TANC1: variants seen among roughly 807,000 people sequenced by gnomAD.
TANC1 encodes the protein protein TANC1.
A neutral mutation model predicts 149.7 loss-of-function variants in TANC1; 77 were observed. The ratio of observed to expected loss-of-function variants is 0.51; its 90% CI spans 0.43 to 0.62. TANC1 has a LOEUF of 0.62. Among genes scored for constraint, TANC1 ranks in the 20% least tolerant of loss-of-function variants. The pLI is 0.00. For synonymous variants in TANC1, 854 were observed against 925.0 expected (o/e 0.92, Z 1.39); for missense variants, 1,985 against 2,321.8 (o/e 0.85, Z 2.98).
chr2:159,214,075 A>G lies in TANC1; in HGVS notation c.3245-3422A>G, dbSNP rs984815599. ...GGGAGGTGGAGGTTACAGTGAGCCA[A>G]GATTGCACCACTGCACTCCAGCCTG... is the stretch of plus-strand genomic sequence containing the variant. On this transcript the variant is annotated intron_variant, in intron 19 of 26. Transcript: ENST00000263635. Among the ~76,000 whole-genome samples, 3 of 146,516 alleles carry G rather than the reference A, an allele frequency of 2.0e-5. No individual in the cohort carries two copies. In the Admixed American group the frequency reaches 2.1e-4, roughly 10 times the overall value.
chr2:159,006,945 C>T (rs1337550010), intron 2 of TANC1, among the ~76,000 whole-genome samples: 2 of 152,136 alleles, frequency 1.3e-5, no homozygotes, highest in African/African-American at 4.8e-5. Flanking sequence ...TAATGCTGTG[C>T]ACTCTGGAAT....
At chr2:159,082,459 T>C (rs1189168227) in intron 3 of TANC1, among the ~76,000 whole-genome samples, 1 of 152,228 alleles carries the variant, frequency 6.6e-6, no homozygotes, top group Non-Finnish European at 1.5e-5. Context: ...ATTTAGGTAA[T>C]TTCTATACCA....
chr2:159,122,087 G>A (rs922309884), intron 4 of TANC1, among the ~76,000 whole-genome samples: 5 of 152,132 alleles, frequency 3.3e-5, no homozygotes, highest in East Asian at 3.8e-4. Context: ...ACAGGCACAC[G>A]CCACCACACC....
chr2:159,153,916 C>T (rs1298059177), intron 7 of TANC1, among the ~76,000 whole-genome samples: 1 of 152,104 alleles, frequency 6.6e-6, no homozygotes, highest in African/African-American at 2.4e-5. Context: ...CCTAGTTGGG[C>T]GGAGATGAAG....
chr2:159,004,022 G>T (rs2036891324), intron 2 of TANC1: 1 of 1,612,248 alleles, frequency 6.2e-7, no homozygotes, highest in Admixed American at 1.7e-5. Flanking sequence ...AGGTGAACAT[G>T]ATTAAAGATG....
chr2:159,128,278 C>T (rs771317781), intron 4 of TANC1, among the ~76,000 whole-genome samples: 1 of 152,206 alleles, frequency 6.6e-6, no homozygotes, highest in Non-Finnish European at 1.5e-5. Flanking sequence ...TCTGGAAGTA[C>T]CCAGAGGGTG....
At chr2:159,095,014 C>T (rs912632854) in intron 3 of TANC1, among the ~76,000 whole-genome samples, 2 of 150,666 alleles carry the variant, frequency 1.3e-5, no homozygotes, top group African/African-American at 4.9e-5. Flanking sequence ...GGTGTGATCT[C>T]GGCTCACTGC....
chr2:159,005,248 T>G (rs1343786722), intron 2 of TANC1, among the ~76,000 whole-genome samples: 5 of 152,146 alleles, frequency 3.3e-5, no homozygotes, highest in Non-Finnish European at 7.4e-5. Context: ...ATGGTCAGAT[T>G]TGGGGGCCTG....
intron 19 of TANC1, among the ~76,000 whole-genome samples, chr2:159,200,345 C>T (rs2058156552): frequency 6.6e-6 from 1 of 152,158 alleles, no homozygotes; most frequent in Non-Finnish European, 1.5e-5. Flanking sequence ...ACAAGCATCC[C>T]AAGTCATTTC....
chr2:159,037,623 G>C (rs1559158006), intron 2 of TANC1, among the ~76,000 whole-genome samples: 1 of 152,130 alleles, frequency 6.6e-6, no homozygotes, highest in African/African-American at 2.4e-5. Flanking sequence ...TCCTTTCCGT[G>C]TTCCTTGTTT....
intron 2 of TANC1, among the ~76,000 whole-genome samples, chr2:159,039,233 TTC>T (rs2040436443): frequency 6.6e-6 from 1 of 152,220 alleles, no homozygotes; most frequent in Admixed American, 6.5e-5. Context: ...TGTTTGATTC[TTC>T]TCTTCTTTAT....
At chr2:159,082,530 T>C (rs1238943879) in intron 3 of TANC1, among the ~76,000 whole-genome samples, 1 of 152,196 alleles carries the variant, frequency 6.6e-6, no homozygotes, top group African/African-American at 2.4e-5. Flanking sequence ...TGGTGGCATC[T>C]AGGATATTTT....
intron 3 of TANC1, among the ~76,000 whole-genome samples, chr2:159,085,191 C>T (rs2044711687): frequency 6.6e-6 from 1 of 152,124 alleles, no homozygotes; most frequent in Admixed American, 6.5e-5. Flanking sequence ...TGTAACAAAG[C>T]CAGGATACTT....
At chr2:159,062,642 G>A (rs537711810) in intron 2 of TANC1, among the ~76,000 whole-genome samples, 1 of 152,238 alleles carries the variant, frequency 6.6e-6, no homozygotes, top group Non-Finnish European at 1.5e-5. Context: ...TGTCTTAAAT[G>A]GATGAGACTG....
chr2:159,196,793 G>A lies in TANC1; in HGVS notation c.3165G>A (p.Ser1055=). 4.4e-6 allele frequency: 7 copies of A among 1,609,088 alleles called. No homozygotes were observed. The highest frequency in any genetic ancestry group is 5.9e-6 in the Non-Finnish European group (7 of 1,178,906). ...CGGCGGCCAGCATGGGCCACAGCTC[G>A]GTGAGTGGGGCAGGGGTTTCCCTCC... The part of the protein sequence containing the change: ...LTAAASMGHS[S]VVQCLLGMEK... The change falls in exon 18 of 27, where the codon TCG becomes TCA. Residue 1055 remains serine (S), a splice_region_variant and synonymous_variant. Coordinates refer to ENST00000263635, the MANE Select transcript of TANC1 (RefSeq NM_033394.3).
At chr2:159,171,909 G>A (rs1439554082) in intron 10 of TANC1, among the ~76,000 whole-genome samples, 1 of 150,856 alleles carries the variant, frequency 6.6e-6, no homozygotes, top group East Asian at 1.9e-4. Flanking sequence ...AGAGGAAACT[G>A]GAAACAGTAC....
intron 9 of TANC1, 115 bp from the exon 10 acceptor site, chr2:159,170,409 G>C (rs2055075146): frequency 1.1e-6 from 1 of 930,276 alleles, no homozygotes; most frequent in African/African-American, 1.7e-5. Context: ...CTTACAGACA[G>C]ATCCTAGTGG....
rs918674640 is a variant in TANC1 at position 159,174,806 on chromosome 2, A to C, written c.1504-147A>C. 3 of 715,312 alleles carry C rather than the reference A, an allele frequency of 4.2e-6. No individual in the cohort carries two copies. In the African/African-American group the frequency reaches 5.2e-5, roughly 12 times the overall value. The allele number at this position is 715,312 out of a possible 1,614,324, so 44.3% of individuals were successfully genotyped here. On this transcript the variant is annotated intron_variant, in intron 11 of 26. Coordinates refer to ENST00000263635, the MANE Select transcript of TANC1 (RefSeq NM_033394.3). ...AGTGAAGGAAGGAATAAATGGAACA[A>C]TTATGCTAACAAATGACCCAGTCTT...
intron 11 of TANC1, among the ~76,000 whole-genome samples, chr2:159,173,967 G>A (rs1365953898): frequency 6.6e-6 from 1 of 152,200 alleles, no homozygotes; most frequent in Non-Finnish European, 1.5e-5. Flanking sequence ...TCTAACCTCA[G>A]TGTCTGGTGC....
Sources: allele counts gnomAD v4.1 joint callset (sites outside exome capture counted in the v4.1 genomes callset), GRCh38; gene constraint gnomAD v4.1.1; transcripts MANE v1.5; gene names NCBI Gene and HGNC (gene_info 2026-07-23, HGNC 2026-07-21).